Variants in CSMD1 observed in about 807,000 individuals in gnomAD.
The protein encoded by CSMD1 is CUB and sushi domain-containing protein 1.
Under a neutral mutation model 417.5 loss-of-function variants are expected in CSMD1, and 213 were observed. The ratio of observed to expected loss-of-function variants is 0.51; its 90% CI spans 0.46 to 0.57. The LOEUF is 0.57. Ranked by LOEUF, CSMD1 falls within the 20% of genes least tolerant of loss-of-function variation. The pLI is 0.00. For missense variants in CSMD1, 6,923 were observed against 4,529.7 expected (o/e 1.53, Z -15.17); for synonymous variants, 2,862 against 1,736.8 (o/e 1.65, Z -16.11).
chr8:4,612,568 G>A (rs1801238078), intron 2 of CSMD1, among the ~76,000 whole-genome samples: 1 of 152,138 alleles, frequency 6.6e-6, no homozygotes, highest in Non-Finnish European at 1.5e-5. Flanking sequence ...GAGGAACAGT[G>A]GAATGAATGT....
At chr8:3,450,247 T>C (rs960398205) in intron 12 of CSMD1, among the ~76,000 whole-genome samples, 1 of 152,116 alleles carries the variant, frequency 6.6e-6, no homozygotes, top group South Asian at 2.1e-4. Flanking sequence ...TCTTTCTCTG[T>C]CATGACCTAA....
intron 11 of CSMD1, among the ~76,000 whole-genome samples, chr8:3,483,140 T>G (rs955246692): frequency 6.6e-6 from 1 of 151,736 alleles, no homozygotes; most frequent in Non-Finnish European, 1.5e-5. Context: ...ATTAATGAAA[T>G]AGAAATAGAT....
chr8:3,654,337 G>A (rs1339593929), intron 7 of CSMD1, among the ~76,000 whole-genome samples: 1 of 152,162 alleles, frequency 6.6e-6, no homozygotes, highest in Non-Finnish European at 1.5e-5. Flanking sequence ...ACTAGAGTTT[G>A]AAAAGTTTGA....
At chr8:4,747,020 A>T (rs894026587) in intron 1 of CSMD1, among the ~76,000 whole-genome samples, 1 of 152,184 alleles carries the variant, frequency 6.6e-6, no homozygotes, top group African/African-American at 2.4e-5. Context: ...CGGTTCAGAG[A>T]AGCCACTGAG....
intron 3 of CSMD1, among the ~76,000 whole-genome samples, chr8:4,253,892 G>A (rs915285680): frequency 7.2e-6 from 1 of 139,454 alleles, no homozygotes; most frequent in Admixed American, 7.2e-5. Flanking sequence ...CACTACGTTC[G>A]TTATTTCCTT....
In CSMD1 at chr8:3,201,612, C is replaced by A; in HGVS notation, c.5098G>T (p.Gly1700Trp). 6.3e-7 allele frequency: 1 copy of A among 1,583,880 alleles called. No individual in the cohort carries two copies. The highest frequency in any genetic ancestry group is 1.2e-5 in the South Asian group (1 of 86,824). ...AAGGGCAAAATTCTTTAAGACTTAC[C>A]TGAGTGAGACCCCGAGAGTGAGCTG... The part of the protein sequence containing the change: ...LLSSLSGSHS[G>W]ETLPLATSNQ... Residue 1700 changes from glycine to tryptophan, a missense_variant and splice_region_variant, in exon 32 of 70, where the codon GGG (glycine) becomes TGG (tryptophan). By Grantham distance (184) the Gly-to-Trp change is radical (BLOSUM62 -2). Transcript: ENST00000635120.
chr8:3,284,949 C>A (rs903865537), intron 25 of CSMD1, among the ~76,000 whole-genome samples: 4 of 152,126 alleles, frequency 2.6e-5, no homozygotes, highest in African/African-American at 9.7e-5. Context: ...TAAAATTTTA[C>A]CATACTTCTA....
At chr8:4,195,406 C>T (rs933493397) in intron 3 of CSMD1, among the ~76,000 whole-genome samples, 1 of 152,116 alleles carries the variant, frequency 6.6e-6, no homozygotes, top group Non-Finnish European at 1.5e-5. Flanking sequence ...ATCTGTTTGA[C>T]CCACCGATGC....
At chr8:4,431,706 C>T (rs1725124) in intron 2 of CSMD1, among the ~76,000 whole-genome samples, 140,195 of 152,250 alleles carry the variant, frequency 0.92, 64,781 homozygotes, top group East Asian at 1. Flanking sequence ...ATCCTGACAG[C>T]AGAATTAAGA....
At chr8:3,367,419 C>CAGAGATGATAA (rs1391310514) in intron 19 of CSMD1, among the ~76,000 whole-genome samples, 172 bp from the exon 20 acceptor site, 1 of 150,480 alleles carries the variant, frequency 6.6e-6, no homozygotes, top group African/African-American at 2.4e-5. Context: ...CACAGAGAGA[C>CAGAGATGATAA]AGAGATGATA....
chr8:3,526,267 G>C (rs892964830), intron 10 of CSMD1, among the ~76,000 whole-genome samples: 2 of 151,672 alleles, frequency 1.3e-5, no homozygotes, highest in South Asian at 2.1e-4. Context: ...AAAATATAAA[G>C]CTACCAAAAG....
intron 3 of CSMD1, among the ~76,000 whole-genome samples, chr8:4,174,522 C>A (rs1797934331): frequency 6.6e-6 from 1 of 150,718 alleles, no homozygotes; most frequent in Admixed American, 6.6e-5. Flanking sequence ...ATAAATGACC[C>A]CCATGTCCAC....
rs201138037 is a variant in CSMD1, at chr8:3,616,692, C to T, written c.1097+18G>A. The T allele has an allele frequency of 1.0e-5, 15 of 1,487,538 alleles. No individual in the cohort carries two copies. The East Asian group carries it at 3.2e-4, about 31-fold the overall frequency. 92.1% of individuals were successfully genotyped at this position (1,487,538 alleles called of 1,614,324 possible). A position where few individuals can be genotyped will look rare whatever the true frequency, so the allele number is the denominator to read the frequency against. On this transcript the variant is annotated intron_variant, in intron 8 of 69. Transcript: ENST00000635120. ...TTAAAAATAACATGCTTTTTTCCAC[C>T]ACTATTGTATCTCTTACCTGAAGTC... is the stretch of plus-strand genomic sequence containing the variant.
intron 3 of CSMD1, among the ~76,000 whole-genome samples, chr8:4,134,658 A>G (rs1319169970): frequency 6.6e-6 from 1 of 152,162 alleles, no homozygotes; most frequent in East Asian, 1.9e-4. Context: ...TATATCTAGA[A>G]TCATTCAAAT....
At chr8:4,584,302 T>G (rs1799592948) in intron 2 of CSMD1, among the ~76,000 whole-genome samples, 1 of 151,858 alleles carries the variant, frequency 6.6e-6, no homozygotes, top group African/African-American at 2.4e-5. Context: ...CGCCGAGTGG[T>G]GAGACCGTCG....
chr8:4,839,534 T>A (rs1800711850), intron 1 of CSMD1, among the ~76,000 whole-genome samples: 1 of 152,134 alleles, frequency 6.6e-6, no homozygotes, highest in African/African-American at 2.4e-5. Flanking sequence ...AGCAATTTCT[T>A]TTTCCACAAG....
intron 3 of CSMD1, among the ~76,000 whole-genome samples, chr8:4,144,453 C>T (rs34311916): frequency 6.6e-6 from 1 of 150,924 alleles, no homozygotes; most frequent in Admixed American, 6.6e-5. Flanking sequence ...GTTTCAACTG[C>T]TCCATGAGCA....
At chr8:3,503,924 G>A (rs528024271) in intron 10 of CSMD1, among the ~76,000 whole-genome samples, 1 of 149,348 alleles carries the variant, frequency 6.7e-6, no homozygotes, top group African/African-American at 2.5e-5. Context: ...ACTTCCACAT[G>A]AGTGAGAATA....
intron 11 of CSMD1, among the ~76,000 whole-genome samples, chr8:3,481,259 G>C (rs1203512386): frequency 6.8e-6 from 1 of 147,002 alleles, no homozygotes; most frequent in East Asian, 2.0e-4. Context: ...GAAAAGAAAA[G>C]AAACTTTTAC....
Sources: allele counts gnomAD v4.1 joint callset (sites outside exome capture counted in the v4.1 genomes callset), GRCh38; gene constraint gnomAD v4.1.1; transcripts MANE v1.5; gene names NCBI Gene and HGNC (gene_info 2026-07-23, HGNC 2026-07-21).